Variants in UBE2E2 observed in about 807,000 individuals in gnomAD.
UBE2E2 encodes the protein ubiquitin conjugating enzyme E2 E2.
A neutral mutation model predicts 24.7 loss-of-function variants in UBE2E2; 6 were observed. The ratio of observed to expected loss-of-function variants is 0.24; its 90% CI spans 0.13 to 0.48. UBE2E2 has a LOEUF of 0.48. UBE2E2 is among the 20% of genes least tolerant of loss of function. The probability of loss-of-function intolerance (pLI) is 0.99; values close to 1 mark genes in which losing one functional copy is unlikely to be tolerated. For missense variants in UBE2E2, 169 were observed against 245.0 expected, an observed-to-expected ratio of 0.69 and a Z score of 2.07; for synonymous variants, 104 against 83.6, an observed-to-expected ratio of 1.24 and a Z score of -1.33.
At chr3:23,247,999 A>G (rs191807706) in intron 3 of UBE2E2, among the ~76,000 whole-genome samples, 1 of 152,374 alleles carries the variant, frequency 6.6e-6, no homozygotes, top group African/African-American at 2.4e-5. Context: ...ATAAAGCTTT[A>G]GAAAGTCCGT....
At chr3:23,351,267 A>G (rs978747672) in intron 3 of UBE2E2, among the ~76,000 whole-genome samples, 4 of 152,246 alleles carry the variant, frequency 2.6e-5, no homozygotes, top group Non-Finnish European at 5.9e-5. Context: ...AACCGGTACC[A>G]GCCACTGCAA....
At chr3:23,577,014 C>G (rs1696362514) in intron 5 of UBE2E2, among the ~76,000 whole-genome samples, 2 of 151,852 alleles carry the variant, frequency 1.3e-5, no homozygotes, top group Admixed American at 1.3e-4. Flanking sequence ...GTCTCTGTGT[C>G]ACATTTTGGT....
At chr3:23,241,030 A>G (rs1248689216) in intron 3 of UBE2E2, among the ~76,000 whole-genome samples, 1 of 152,198 alleles carries the variant, frequency 6.6e-6, no homozygotes, top group Admixed American at 6.5e-5. Context: ...TCATTGCCCC[A>G]TATGAATATT....
intron 3 of UBE2E2, among the ~76,000 whole-genome samples, chr3:23,225,581 C>A (rs981827946): frequency 1.3e-5 from 2 of 152,112 alleles, no homozygotes; most frequent in South Asian, 2.1e-4. Context: ...TGTCTTGATA[C>A]CCTTGTTGGA....
chr3:23,379,482 A>C (rs985261758), intron 3 of UBE2E2, among the ~76,000 whole-genome samples: 3 of 143,560 alleles, frequency 2.1e-5, no homozygotes, highest in African/African-American at 7.8e-5. Flanking sequence ...CCTATGAGTG[A>C]GAATATGCGG....
intron 3 of UBE2E2, among the ~76,000 whole-genome samples, chr3:23,492,370 A>G (rs748385850): frequency 1.9e-4 from 29 of 152,204 alleles, no homozygotes; most frequent in Middle Eastern, 3.4e-3. Context: ...TCTTCTCACT[A>G]CCCTATTCCC....
chr3:23,338,985 A>G (rs1050938443), intron 3 of UBE2E2, among the ~76,000 whole-genome samples: 17 of 152,194 alleles, frequency 1.1e-4, no homozygotes, highest in African/African-American at 4.1e-4. Flanking sequence ...TCACTAAAAG[A>G]TATTTACTAT....
chr3:23,348,363 A>AAAG (rs1243760660), intron 3 of UBE2E2, among the ~76,000 whole-genome samples: 1 of 151,816 alleles, frequency 6.6e-6, no homozygotes, highest in Non-Finnish European at 1.5e-5. Flanking sequence ...AAAAAAAAAA[A>AAAG]AGAATAGTCC....
intron 3 of UBE2E2, among the ~76,000 whole-genome samples, chr3:23,317,057 G>C (rs986113021): frequency 6.6e-6 from 1 of 152,150 alleles, no homozygotes; most frequent in African/African-American, 2.4e-5. Flanking sequence ...GCTGTGAGCT[G>C]TGCTGCCTGG....
At chr3:23,320,100 A>G (rs562900747) in intron 3 of UBE2E2, among the ~76,000 whole-genome samples, 4 of 152,208 alleles carry the variant, frequency 2.6e-5, no homozygotes, top group Admixed American at 2.0e-4. Flanking sequence ...GAGTGATTAC[A>G]GTGCCTAGTG....
At chr3:23,310,334 G>A (rs1694341528) in intron 3 of UBE2E2, among the ~76,000 whole-genome samples, 1 of 146,254 alleles carries the variant, frequency 6.8e-6, no homozygotes, top group African/African-American at 2.5e-5. Flanking sequence ...CTGCTAATTT[G>A]GGGTATTTTT....
chr3:23,253,988 A>C (rs1697648755), intron 3 of UBE2E2, among the ~76,000 whole-genome samples: 1 of 152,224 alleles, frequency 6.6e-6, no homozygotes, highest in Non-Finnish European at 1.5e-5. Flanking sequence ...GATTTTAAGA[A>C]AATTTAGTTC....
At chr3:23,262,315 C>T (rs1471484875) in intron 3 of UBE2E2, among the ~76,000 whole-genome samples, 1 of 151,854 alleles carries the variant, frequency 6.6e-6, no homozygotes, top group African/African-American at 2.4e-5. Context: ...GAGTCGTGGT[C>T]TTTTTTTCAG....
At chr3:23,263,707 A>G (rs1037754591) in intron 3 of UBE2E2, among the ~76,000 whole-genome samples, 1 of 152,182 alleles carries the variant, frequency 6.6e-6, no homozygotes. Context: ...CATTTCAGTC[A>G]TTTTGATTTT....
chr3:23,268,800 C>G (rs1208908799), intron 3 of UBE2E2, among the ~76,000 whole-genome samples: 1 of 150,876 alleles, frequency 6.6e-6, no homozygotes, highest in Non-Finnish European at 1.5e-5. Context: ...TGACTTCAAA[C>G]TATACTACAA....
intron 3 of UBE2E2, among the ~76,000 whole-genome samples, chr3:23,387,309 T>C (rs1328937546): frequency 6.6e-6 from 1 of 152,222 alleles, no homozygotes; most frequent in Non-Finnish European, 1.5e-5. Flanking sequence ...ATTTATTCTT[T>C]AGTTCTTTTC....
intron 3 of UBE2E2, among the ~76,000 whole-genome samples, chr3:23,435,112 A>T (rs1453244143): frequency 2.4e-4 from 36 of 152,208 alleles, no homozygotes; most frequent in Admixed American, 2.4e-3. Context: ...TCTTAAATAA[A>T]ATCTGGCCTG....
intron 5 of UBE2E2, among the ~76,000 whole-genome samples, chr3:23,562,097 AAC>A (rs1695945357): frequency 6.6e-6 from 1 of 152,128 alleles, no homozygotes. Context: ...CAGAACTTCC[AAC>A]ACTATGTTGA....
chr3:23,479,537 G>C (rs910344595), intron 3 of UBE2E2, among the ~76,000 whole-genome samples: 1 of 152,136 alleles, frequency 6.6e-6, no homozygotes, highest in African/African-American at 2.4e-5. Context: ...GGTGAGTTGG[G>C]GGGTAGGGGG....
Sources: allele counts gnomAD v4.1 joint callset (sites outside exome capture counted in the v4.1 genomes callset), GRCh38; gene constraint gnomAD v4.1.1; transcripts MANE v1.5; gene names NCBI Gene and HGNC (gene_info 2026-07-23, HGNC 2026-07-21).